The following SLC9A9 variants were observed in gnomAD, a reference collection of about 807,000 sequenced individuals.
SLC9A9 encodes the protein solute carrier family 9 member A9, also known as sodium/hydrogen exchanger 9.
SLC9A9 carries 62 observed loss-of-function variants against 77.8 expected under a neutral mutation model. The observed-to-expected ratio is 0.80, with a 90% confidence interval of 0.65 to 0.98. SLC9A9 has a LOEUF of 0.98. Ranked by LOEUF, SLC9A9 falls within the 50% of genes least tolerant of loss-of-function variation. The probability of loss-of-function intolerance (pLI) is 0.00; values close to 1 mark genes in which losing one functional copy is unlikely to be tolerated. For synonymous variants in SLC9A9, 320 were observed against 283.5 expected, an observed-to-expected ratio of 1.13 and a Z score of -1.29; for missense variants, 775 against 774.9, an observed-to-expected ratio of 1.00 and a Z score of 0.00.
intron 1 of SLC9A9, among the ~76,000 whole-genome samples, chr3:143,843,843 C>T (rs7629598): frequency 0.95 from 144,212 of 152,268 alleles, 68,462 homozygotes; most frequent in East Asian, 1. Context: ...TCAATCAATA[C>T]TTTAACCGCT....
intron 4 of SLC9A9, among the ~76,000 whole-genome samples, chr3:143,699,836 C>T (rs1276644269): frequency 6.6e-6 from 1 of 152,038 alleles, no homozygotes; most frequent in Non-Finnish European, 1.5e-5. Context: ...ATGAGACCTA[C>T]TGAAACACCA....
Position 143,467,209 on chromosome 3 carries a change from G to T in SLC9A9, c.1316-19C>A, listed in dbSNP as rs985684479. ...CGCAAACCTTGCAGGAAAAACCAAA[G>T]GAGAAAATAAATGCCTTGCAGGTGT... On this transcript the variant is annotated intron_variant, in intron 11 of 15. Coordinates refer to ENST00000316549, the MANE Select transcript of SLC9A9 (RefSeq NM_173653.4). 55 of 1,614,072 alleles carry T rather than the reference G, an allele frequency of 3.4e-5. No individual in the cohort carries two copies. The highest frequency in any genetic ancestry group is 4.7e-5 in the Non-Finnish European group (55 of 1,179,974).
At chr3:143,627,681 C>T (rs376803486) in intron 6 of SLC9A9, 3 of 168,300 alleles carry the variant, frequency 1.8e-5, no homozygotes, top group South Asian at 1.5e-4. Context: ...AAACCCAACA[C>T]CAGTTGAGAA....
At chr3:143,804,073 C>G (rs930065834) in intron 2 of SLC9A9, among the ~76,000 whole-genome samples, 4 of 152,258 alleles carry the variant, frequency 2.6e-5, no homozygotes, top group African/African-American at 9.6e-5. Flanking sequence ...TATCTCTCAG[C>G]AAAGACCCAC....
intron 6 of SLC9A9, among the ~76,000 whole-genome samples, chr3:143,595,886 C>A (rs1176129378): frequency 1.3e-5 from 2 of 152,110 alleles, no homozygotes; most frequent in African/African-American, 4.8e-5. Flanking sequence ...GAGATGGGAC[C>A]TACTCCTTGT....
At chr3:143,682,378 T>C (rs1333084596) in intron 5 of SLC9A9, among the ~76,000 whole-genome samples, 2 of 152,184 alleles carry the variant, frequency 1.3e-5, no homozygotes, top group Admixed American at 1.3e-4. Context: ...GAAGTAGCTC[T>C]TTCCACAAAA....
At chr3:143,536,804 G>C (rs968099855) in intron 9 of SLC9A9, among the ~76,000 whole-genome samples, 1 of 152,178 alleles carries the variant, frequency 6.6e-6, no homozygotes, top group Non-Finnish European at 1.5e-5. Context: ...CCCTTGCAGA[G>C]TTTTCTTTTC....
chr3:143,397,168 A>G (rs1426367460), intron 12 of SLC9A9, among the ~76,000 whole-genome samples: 1 of 152,216 alleles, frequency 6.6e-6, no homozygotes, highest in Non-Finnish European at 1.5e-5. Flanking sequence ...CCTAAGCTGC[A>G]AGCATACTGA....
At chr3:143,631,767 G>GT in intron 6 of SLC9A9, among the ~76,000 whole-genome samples, 1 of 152,162 alleles carries the variant, frequency 6.6e-6, no homozygotes, top group African/African-American at 2.4e-5. Context: ...ACATCTTCCA[G>GT]TTTTTCCAAA....
chr3:143,645,678 G>A (rs570686858), intron 6 of SLC9A9, among the ~76,000 whole-genome samples: 9 of 152,224 alleles, frequency 5.9e-5, no homozygotes, highest in East Asian at 3.9e-4. Context: ...AGTGCCAAGC[G>A]TTCACTGGTA....
chr3:143,471,119 G>A (rs1487813048), intron 11 of SLC9A9, among the ~76,000 whole-genome samples: 1 of 152,206 alleles, frequency 6.6e-6, no homozygotes, highest in Non-Finnish European at 1.5e-5. Context: ...GGTGTTCTTA[G>A]AGATGGGATC....
chr3:143,736,604 T>A (rs1934946899), intron 4 of SLC9A9, among the ~76,000 whole-genome samples: 1 of 147,504 alleles, frequency 6.8e-6, no homozygotes, highest in Non-Finnish European at 1.5e-5. Flanking sequence ...TTCTGGGGTA[T>A]TTTTTTAAAC....
At chr3:143,368,869 G>A (rs1254203962) in intron 13 of SLC9A9, among the ~76,000 whole-genome samples, 1 of 152,186 alleles carries the variant, frequency 6.6e-6, no homozygotes, top group Admixed American at 6.5e-5. Context: ...AATTCAAGGG[G>A]CAAATAGAAA....
intron 9 of SLC9A9, among the ~76,000 whole-genome samples, chr3:143,543,070 C>T (rs1376443081): frequency 1.3e-5 from 2 of 152,168 alleles, no homozygotes; most frequent in African/African-American, 4.8e-5. Context: ...TATGAATTGT[C>T]CAGTTTTTCC....
chr3:143,461,031 A>C (rs375648660), intron 12 of SLC9A9, among the ~76,000 whole-genome samples: 6 of 152,170 alleles, frequency 3.9e-5, no homozygotes, highest in African/African-American at 1.2e-4. Flanking sequence ...AGGTCTGCGG[A>C]TTGACATTGA....
At chr3:143,278,902 C>G (rs1465540973) in intron 14 of SLC9A9, among the ~76,000 whole-genome samples, 1 of 152,112 alleles carries the variant, frequency 6.6e-6, no homozygotes, top group African/African-American at 2.4e-5. Flanking sequence ...TAGCTCTGTA[C>G]TTATTATCTA....
intron 4 of SLC9A9, among the ~76,000 whole-genome samples, chr3:143,713,167 C>T (rs1242064360): frequency 6.6e-6 from 1 of 152,164 alleles, no homozygotes; most frequent in Admixed American, 6.5e-5. Flanking sequence ...AAAGAGAAGG[C>T]AGATTTTTCG....
At chr3:143,338,212 C>CA (rs2031985390) in intron 14 of SLC9A9, among the ~76,000 whole-genome samples, 1 of 152,202 alleles carries the variant, frequency 6.6e-6, no homozygotes, top group Non-Finnish European at 1.5e-5. Flanking sequence ...TTATGGCCAT[C>CA]AACCCAGTTG....
chr3:143,800,832 C>T (rs1192716478), intron 2 of SLC9A9, among the ~76,000 whole-genome samples: 2 of 152,170 alleles, frequency 1.3e-5, no homozygotes, highest in Non-Finnish European at 2.9e-5. Context: ...CAAAGGATAT[C>T]GGGTATTCCC....
Sources: allele counts gnomAD v4.1 joint callset (sites outside exome capture counted in the v4.1 genomes callset), GRCh38; gene constraint gnomAD v4.1.1; transcripts MANE v1.5; gene names NCBI Gene and HGNC (gene_info 2026-07-23, HGNC 2026-07-21).